The following KCTD7 variants were observed in gnomAD, a reference collection of about 807,000 sequenced individuals.
KCTD7 encodes the protein BTB/POZ domain-containing protein KCTD7.
A neutral mutation model predicts 27.0 loss-of-function variants in KCTD7; 15 were observed. The ratio of observed to expected loss-of-function variants is 0.56; its 90% confidence interval spans 0.37 to 0.86. The LOEUF is 0.86. KCTD7 is among the 40% of genes least tolerant of loss of function. The probability of loss-of-function intolerance (pLI) is 0.00; values close to 1 mark genes in which losing one functional copy is unlikely to be tolerated. For synonymous variants in KCTD7, 159 were observed against 162.7 expected (o/e 0.98, Z 0.17); for missense variants, 299 against 398.9 (o/e 0.75, Z 2.13).
At position 66,639,036 on chromosome 7, in the gene KCTD7, A is replaced by T. The variant is rs1302429862; in HGVS notation, c.674A>T (p.His225Leu). Residue 225 changes from histidine (H) to leucine (L), a missense_variant, in exon 4 of 4, where the codon CAC becomes CTC. His to Leu is a moderately conservative substitution (Grantham distance 99, BLOSUM62 -3). Transcript: ENST00000639828. The stretch of plus-strand genomic sequence containing the variant: ...AGTGACGGGCAGCTTTTTGAGCACC[A>T]CTGTGAAGTGGATGTGTCTTTTGGG... ...SESDGQLFEHHCEVDVSFGPW... is the reference protein window; with the variant it reads ...SESDGQLFEHLCEVDVSFGPW... 1 of 1,614,004 alleles carries T rather than the reference A, an allele frequency of 6.2e-7. No homozygotes were observed. Among genetic ancestry groups the T allele is most frequent in the Non-Finnish European group, 8.5e-7 (1 of 1,180,028 alleles).
At position 66,642,236 on chromosome 7, in the gene KCTD7, G is replaced by A; in HGVS notation, c.*3004G>A. The A allele has an allele frequency of 1.0e-6, 1 of 985,380 alleles. No homozygotes were observed. The highest frequency in any genetic ancestry group is 1.2e-6 in the Non-Finnish European group (1 of 829,914). The allele number at this position is 985,380 out of a possible 1,614,324, so 61.0% of individuals were successfully genotyped here. ...CTTAGCGTAACACTCTAAATAAATG[G>A]AAGGAATCATCACCTTCCTTATTTT... is the stretch of plus-strand genomic sequence containing the variant. On this transcript the variant is annotated 3_prime_UTR_variant, in exon 4 of 4. Transcript: ENST00000639828.
rs1786674346 is a variant in KCTD7, at chr7:66,639,897, A to G, written c.*665A>G. ...ACCCAGTTGGCCTTAGAAAACCACA[A>G]TGTTTACAGCCCTGTCTTAGGGCCG... On this transcript the variant is annotated 3_prime_UTR_variant, in exon 4 of 4. Coordinates refer to ENST00000639828, the MANE Select transcript of KCTD7 (RefSeq NM_153033.5). The G allele has an allele frequency of 1.7e-5, 21 of 1,245,008 alleles. No homozygotes were observed. Among genetic ancestry groups the G allele is most frequent in the Non-Finnish European group, 2.1e-5 (21 of 995,678 alleles). 77.1% of individuals were successfully genotyped at this position (1,245,008 alleles called of 1,614,324 possible). A position where few individuals can be genotyped will look rare whatever the true frequency, so the allele number is the denominator to read the frequency against.
chr7:66,633,199 C>T, intron 1 of KCTD7, 76 bp from the exon 2 acceptor site: 1 of 1,476,000 alleles, frequency 6.8e-7, no homozygotes, highest in Non-Finnish European at 9.4e-7. Flanking sequence ...CAATCAGACC[C>T]CAGGGATTGA....
At chr7:66,631,252 T>A (rs1245448759) in intron 1 of KCTD7, among the ~76,000 whole-genome samples, 1 of 152,198 alleles carries the variant, frequency 6.6e-6, no homozygotes, top group African/African-American at 2.4e-5. Context: ...AGGTACTGTG[T>A]AGATAAGCAG....
chr7:66,633,579 A>G, intron 2 of KCTD7, 135 bp downstream of exon 2: 3 of 836,886 alleles, frequency 3.6e-6, no homozygotes, highest in Non-Finnish European at 3.8e-6. Context: ...AAATGGGTTT[A>G]TTGAAAGAGA....
At chr7:66,643,188 G>T, downstream of KCTD7, 1 of 985,364 alleles carries the variant, frequency 1.0e-6, no homozygotes, top group Non-Finnish European at 1.2e-6. Context: ...GCTTTTCCCT[G>T]AGACCAGCAG....
In KCTD7 at chr7:66,629,354, A is replaced by ACTCCCCCGCCCACCTGCAC. The variant is rs1424875627; in HGVS notation, c.144+148_144+166dup. On this transcript the variant is annotated intron_variant, in intron 1 of 3. Transcript: ENST00000639828. ...TGCGCCCCTCCCCCGCCCACCTGCAACTCCCCCGCCCACCTGCACCCCTAC... is the reference window on the plus strand; with the variant it reads ...TGCGCCCCTCCCCCGCCCACCTGCAACTCCCCCGCCCACCTGCACCTCCCCCGCCCACCTGCACCCCTAC... 7.7e-5 allele frequency: 37 copies of ACTCCCCCGCCCACCTGCAC among 480,948 alleles called. No homozygotes were observed. The East Asian group carries it at 1.8e-3, about 24-fold the overall frequency. The allele number at this position is 480,948 out of a possible 1,614,324, so 29.8% of individuals were successfully genotyped here.
chr7:66,633,739 C>G (rs986122577), intron 2 of KCTD7, among the ~76,000 whole-genome samples: 6 of 151,952 alleles, frequency 3.9e-5, no homozygotes, highest in African/African-American at 1.5e-4. Flanking sequence ...GTAATCCCAG[C>G]ACTTTGGGAG....
At chr7:66,635,838 C>T (rs1262169874) in intron 2 of KCTD7, among the ~76,000 whole-genome samples, 3 of 151,518 alleles carry the variant, frequency 2.0e-5, no homozygotes, top group Non-Finnish European at 2.9e-5. Flanking sequence ...AGGAAAGTGC[C>T]GGCCCCAGCT....
chr7:66,637,865 A>C (rs976564498), intron 2 of KCTD7, among the ~76,000 whole-genome samples: 3 of 152,160 alleles, frequency 2.0e-5, no homozygotes, highest in African/African-American at 4.8e-5. Context: ...ACATTTATTG[A>C]ATATTTCACC....
intron 1 of KCTD7, among the ~76,000 whole-genome samples, chr7:66,631,241 A>G (rs1786434692): frequency 6.6e-6 from 1 of 152,202 alleles, no homozygotes; most frequent in Non-Finnish European, 1.5e-5. Context: ...AAAGCTGGGA[A>G]AGGTACTGTG....
chr7:66,630,293 A>G (rs1008060212), intron 1 of KCTD7, among the ~76,000 whole-genome samples: 2 of 152,104 alleles, frequency 1.3e-5, no homozygotes, highest in African/African-American at 2.4e-5. Flanking sequence ...CAAAAAAAGC[A>G]AGAGAAGGGA....
At chr7:66,630,365 A>G (rs1189999314) in intron 1 of KCTD7, among the ~76,000 whole-genome samples, 1 of 152,272 alleles carries the variant, frequency 6.6e-6, no homozygotes, top group Non-Finnish European at 1.5e-5. Context: ...TCAAGGCAGG[A>G]GGATGGTTTG....
intron 3 of KCTD7, 76 bp downstream of exon 3, chr7:66,638,507 T>C: frequency 1.4e-6 from 2 of 1,454,656 alleles, no homozygotes; most frequent in Non-Finnish European, 1.9e-6. Context: ...TAGGTCTCCA[T>C]CAGAACACCG....
intron 2 of KCTD7, among the ~76,000 whole-genome samples, chr7:66,637,196 C>T (rs530268939): frequency 3.9e-5 from 6 of 152,330 alleles, no homozygotes; most frequent in South Asian, 4.1e-4. Flanking sequence ...AGCAGTTCCC[C>T]TGCCTCAGCC....
rs4718382 is a variant in KCTD7 at position 66,639,922 on chromosome 7, G to T, written c.*690G>T. On this transcript the variant is annotated 3_prime_UTR_variant, in exon 4 of 4. Transcript: ENST00000639828. ...ATGTTTACAGCCCTGTCTTAGGGCC[G>T]CGGCTTCTCTTATCTTCCACCACCT... is the stretch of plus-strand genomic sequence containing the variant. The T allele has an allele frequency of 8.8e-6, 11 of 1,245,132 alleles. No homozygotes were observed. The highest frequency in any genetic ancestry group is 3.1e-4 in the Middle Eastern group (1 of 3,256). 77.1% of individuals were successfully genotyped at this position (1,245,132 alleles called of 1,614,324 possible). A position where few individuals can be genotyped will look rare whatever the true frequency, so the allele number is the denominator to read the frequency against.
chr7:66,640,902 A>G lies in KCTD7; in HGVS notation c.*1670A>G. 1 of 986,310 alleles carries G rather than the reference A, an allele frequency of 1.0e-6. No individual in the cohort carries two copies. The highest frequency in any genetic ancestry group is 1.7e-5 in the African/African-American group (1 of 57,396). The allele number at this position is 986,310 out of a possible 1,614,324, so 61.1% of individuals were successfully genotyped here. A position where few individuals can be genotyped will look rare whatever the true frequency, so the allele number is the denominator to read the frequency against. ...GTATCAGACTTACAGGACCAGATAGACAAGATGGGTATAAGGGGAGCTGAA... is the reference window on the plus strand; with the variant it reads ...GTATCAGACTTACAGGACCAGATAGGCAAGATGGGTATAAGGGGAGCTGAA... On this transcript the variant is annotated 3_prime_UTR_variant, in exon 4 of 4. Transcript: ENST00000639828.
Position 66,639,774 on chromosome 7 carries a change from T to C in KCTD7, c.*542T>C. The C allele has an allele frequency of 8.0e-7, 1 of 1,251,160 alleles. No homozygotes were observed. The highest frequency in any genetic ancestry group is 3.0e-5 in the East Asian group (1 of 33,082). 77.5% of individuals were successfully genotyped at this position (1,251,160 alleles called of 1,614,324 possible). A position where few individuals can be genotyped will look rare whatever the true frequency, so the allele number is the denominator to read the frequency against. ...GCACCCCTTCTCCTCCAAGAATAGT[T>C]GCCCACATTCCCAAAATGTGGAAAG... is the stretch of plus-strand genomic sequence containing the variant. On this transcript the variant is annotated 3_prime_UTR_variant, in exon 4 of 4. Coordinates refer to ENST00000639828, the MANE Select transcript of KCTD7 (RefSeq NM_153033.5).
In KCTD7 at chr7:66,641,583, T is replaced by G; in HGVS notation, c.*2351T>G. The G allele has an allele frequency of 1.0e-6, 1 of 985,464 alleles. No homozygotes were observed. Among genetic ancestry groups the G allele is most frequent in the Non-Finnish European group, 1.2e-6 (1 of 829,936 alleles). The allele number at this position is 985,464 out of a possible 1,614,324, so 61.0% of individuals were successfully genotyped here. Reference sequence around the variant, plus strand: ...CTCTCTCTCGCTGGAGAAATCCCTGTTTCTCTGACTCCCTTTGTGATCCTC... The same window carrying G: ...CTCTCTCTCGCTGGAGAAATCCCTGGTTCTCTGACTCCCTTTGTGATCCTC... On this transcript the variant is annotated 3_prime_UTR_variant, in exon 4 of 4. Coordinates refer to ENST00000639828, the MANE Select transcript of KCTD7 (RefSeq NM_153033.5).
Sources: allele counts gnomAD v4.1 joint callset (sites outside exome capture counted in the v4.1 genomes callset), GRCh38; gene constraint gnomAD v4.1.1; transcripts MANE v1.5; gene names NCBI Gene and HGNC (gene_info 2026-07-23, HGNC 2026-07-21).